Variants in ZNF684 observed in about 807,000 individuals in gnomAD.
ZNF684 encodes the protein zinc finger protein 684.
A neutral mutation model predicts 12.8 loss-of-function variants in ZNF684; 13 were observed. The ratio of observed to expected loss-of-function variants is 1.02; its 90% CI spans 0.66 to 1.62. The LOEUF (loss-of-function observed/expected upper bound fraction) is 1.62. ZNF684 is among the 40% of genes most tolerant of loss of function. The pLI, the probability that ZNF684 is intolerant of heterozygous loss-of-function variation, is 0.00. For synonymous variants in ZNF684, 118 were observed against 151.8 expected (o/e 0.78, Z 1.64); for missense variants, 384 against 446.9 (o/e 0.86, Z 1.27).
At chr1:40,541,559 G>A (rs1468830994) in intron 3 of ZNF684, 56 bp from the exon 4 acceptor site, 7 of 1,421,002 alleles carry the variant, frequency 4.9e-6, no homozygotes, top group Non-Finnish European at 6.9e-6. Flanking sequence ...CAAGTTGTGA[G>A]CTGGTTGTTT....
intron 3 of ZNF684, 100 bp from the exon 4 acceptor site, chr1:40,541,515 T>C: frequency 1.1e-6 from 1 of 897,388 alleles, no homozygotes; most frequent in Non-Finnish European, 1.8e-6. Flanking sequence ...CTGCTTGTTA[T>C]CCTTTAAAAA....
intron 4 of ZNF684, chr1:40,544,315 T>TA (rs1295148737): frequency 8.6e-6 from 3 of 349,498 alleles, no homozygotes; most frequent in African/African-American, 6.7e-5. Flanking sequence ...CCTGGTGGTT[T>TA]AGTGGTTAGG....
intron 4 of ZNF684, among the ~76,000 whole-genome samples, chr1:40,543,677 C>T (rs1030694163): frequency 4.6e-5 from 7 of 152,132 alleles, no homozygotes; most frequent in East Asian, 1.9e-4. Flanking sequence ...AGGATGGTCT[C>T]GGTCTCCTGA....
chr1:40,538,517 A>G (rs958602489), intron 2 of ZNF684, among the ~76,000 whole-genome samples: 1 of 152,152 alleles, frequency 6.6e-6, no homozygotes, highest in African/African-American at 2.4e-5. Flanking sequence ...TCTCGTGGGT[A>G]TATACCTAGG....
intron 2 of ZNF684, among the ~76,000 whole-genome samples, chr1:40,534,236 ATTTTTTT>A (rs556340597): frequency 9.7e-6 from 1 of 102,598 alleles, no homozygotes; most frequent in African/African-American, 3.9e-5. Flanking sequence ...TTTTATTATA[ATTTTTTT>A]TTTTTTTTTT....
intron 4 of ZNF684, among the ~76,000 whole-genome samples, chr1:40,542,327 T>C (rs1646020593): frequency 6.6e-6 from 1 of 152,192 alleles, no homozygotes; most frequent in Admixed American, 6.5e-5. Flanking sequence ...GTTTTTTCTT[T>C]AACTTATTCC....
At chr1:40,532,411 AT>A in intron 1 of ZNF684, among the ~76,000 whole-genome samples, 1 of 140,702 alleles carries the variant, frequency 7.1e-6, no homozygotes, top group East Asian at 2.1e-4. Flanking sequence ...AGTTGGGTTT[AT>A]TCTCCTGAAA....
intron 2 of ZNF684, among the ~76,000 whole-genome samples, chr1:40,536,366 G>A (rs1202516441): frequency 6.9e-6 from 1 of 145,602 alleles, no homozygotes; most frequent in African/African-American, 2.5e-5. Flanking sequence ...TGCACTCCAG[G>A]CTGGGTGACA....
rs1257424696 is a variant in ZNF684 at position 40,547,273 on chromosome 1, A to G, written c.950A>G (p.His317Arg). The G allele has an allele frequency of 6.2e-7, 1 of 1,614,234 alleles. No individual in the cohort carries two copies. The highest frequency in any genetic ancestry group is 1.1e-5 in the South Asian group (1 of 91,082). The part of the protein sequence containing the change: ...AFGNTSVLVT[H>R]QRIHTGEKPY... ...GGCAACACATCCGTGCTTGTTACAC[A>G]CCAAAGAATTCATACAGGAGAGAAA... is the stretch of plus-strand genomic sequence containing the variant. Residue 317 changes from histidine to arginine, a missense_variant, in exon 5 of 5, where the codon CAC becomes CGC. By Grantham distance (29) the His-to-Arg change is conservative. Coordinates refer to ENST00000372699, the MANE Select transcript of ZNF684 (RefSeq NM_152373.4).
Position 40,547,607 on chromosome 1 carries a change from G to A in ZNF684, c.*147G>A, listed in dbSNP as rs1191686576. 4.8e-5 allele frequency: 32 copies of A among 660,972 alleles called. No homozygotes were observed. Among genetic ancestry groups the A allele is most frequent in the Non-Finnish European group, 6.8e-5 (29 of 428,558 alleles). The allele number at this position is 660,972 out of a possible 1,614,324, so 40.9% of individuals were successfully genotyped here. A position where few individuals can be genotyped will look rare whatever the true frequency, so the allele number is the denominator to read the frequency against. ...AAACAACCAATGCCAATCATGTTCT[G>A]GAAGTGATAATAAACTTTTTACAGA... On this transcript the variant is annotated 3_prime_UTR_variant, in exon 5 of 5. Transcript: ENST00000372699.
chr1:40,539,579 G>T (rs1037427340), intron 2 of ZNF684, among the ~76,000 whole-genome samples: 2 of 152,134 alleles, frequency 1.3e-5, no homozygotes, highest in Non-Finnish European at 2.9e-5. Flanking sequence ...GTTGAGTAAC[G>T]TACAAGAGTT....
Position 40,547,550 on chromosome 1 carries a change from T to A in ZNF684, c.*90T>A. The A allele has an allele frequency of 8.2e-7, 1 of 1,225,706 alleles. No individual in the cohort carries two copies. The highest frequency in any genetic ancestry group is 1.1e-6 in the Non-Finnish European group (1 of 913,794). The allele number at this position is 1,225,706 out of a possible 1,614,324, so 75.9% of individuals were successfully genotyped here. On this transcript the variant is annotated 3_prime_UTR_variant, in exon 5 of 5. Transcript: ENST00000372699. Reference sequence around the variant, plus strand: ...AATTCATGGTGAGAAGTCTACAATTTAAATGAATTTGGAAGAGTAGATTCC... The same window carrying A: ...AATTCATGGTGAGAAGTCTACAATTAAAATGAATTTGGAAGAGTAGATTCC...
At chr1:40,534,078 C>T (rs968086170) in intron 2 of ZNF684, among the ~76,000 whole-genome samples, 8 of 151,784 alleles carry the variant, frequency 5.3e-5, no homozygotes, top group African/African-American at 1.9e-4. Flanking sequence ...CCTGCCTCAG[C>T]CTTCCAAAGT....
chr1:40,534,604 T>G (rs1220176210), intron 2 of ZNF684, among the ~76,000 whole-genome samples: 1 of 152,176 alleles, frequency 6.6e-6, no homozygotes, highest in Non-Finnish European at 1.5e-5. Flanking sequence ...TTTCTTATAT[T>G]TATTCTTACA....
chr1:40,542,948 A>G (rs916466660), intron 4 of ZNF684, among the ~76,000 whole-genome samples: 1 of 152,220 alleles, frequency 6.6e-6, no homozygotes, highest in Admixed American at 6.5e-5. Flanking sequence ...CAAATGATTG[A>G]CACCAATTAA....
chr1:40,536,131 C>T (rs12058093), intron 2 of ZNF684, among the ~76,000 whole-genome samples: 3,719 of 152,138 alleles, frequency 0.024, 152 homozygotes, highest in African/African-American at 0.086. Flanking sequence ...CAGTGGCTCA[C>T]GCCTGTAATC....
At chr1:40,545,025 A>G (rs759584222) in intron 4 of ZNF684, 1 of 152,224 alleles carries the variant, frequency 6.6e-6, no homozygotes, top group Non-Finnish European at 1.5e-5. Flanking sequence ...GAGTGAATTC[A>G]TATCTTGCAT....
chr1:40,539,509 A>C (rs1646002946), intron 2 of ZNF684, among the ~76,000 whole-genome samples: 1 of 152,054 alleles, frequency 6.6e-6, no homozygotes, highest in Non-Finnish European at 1.5e-5. Flanking sequence ...TATCAAATAA[A>C]AGAAAAGAAA....
intron 4 of ZNF684, 24 bp downstream of exon 4, chr1:40,541,734 G>A (rs1007494589): frequency 2.5e-6 from 4 of 1,591,768 alleles, no homozygotes; most frequent in Non-Finnish European, 3.4e-6. Flanking sequence ...ATTCAGATGG[G>A]GCTGTGTGGA....
Sources: allele counts gnomAD v4.1 joint callset (sites outside exome capture counted in the v4.1 genomes callset), GRCh38; gene constraint gnomAD v4.1.1; transcripts MANE v1.5; gene names NCBI Gene and HGNC (gene_info 2026-07-23, HGNC 2026-07-21).